Variants in DIP2A observed in about 807,000 individuals in gnomAD.
DIP2A encodes disco-interacting protein 2 homolog A.
In DIP2A, 85 loss-of-function variants were observed where a neutral mutation model predicts 177.4. That is an observed-to-expected ratio of 0.48 (90% CI 0.40 to 0.57). DIP2A has a LOEUF of 0.57. Among genes scored for constraint, DIP2A ranks in the 20% least tolerant of loss-of-function variants. The pLI is 0.00. For synonymous variants in DIP2A, 886 were observed against 881.8 expected, an observed-to-expected ratio of 1.00 and a Z score of -0.08; for missense variants, 1,791 against 2,100.2, an observed-to-expected ratio of 0.85 and a Z score of 2.88.
chr21:46,508,034 A>C (rs1465999000), intron 6 of DIP2A, among the ~76,000 whole-genome samples: 3 of 148,150 alleles, frequency 2.0e-5, no homozygotes, highest in Non-Finnish European at 4.5e-5. Context: ...CACTGTGCCC[A>C]GCCCCCCATT....
chr21:46,469,391 T>G (rs1332668057), intron 1 of DIP2A: 1 of 152,182 alleles, frequency 6.6e-6, no homozygotes, highest in African/African-American at 2.4e-5. Flanking sequence ...TGAATCAGAG[T>G]GTGGCCTTTG....
rs2057394259 is a variant in DIP2A, at chr21:46,496,997, C to G, written c.293C>G (p.Thr98Ser). 6.3e-7 allele frequency: 1 copy of G among 1,598,928 alleles called. No homozygotes were observed. The highest frequency in any genetic ancestry group is 8.5e-7 in the Non-Finnish European group (1 of 1,173,284). Residue 98 changes from threonine (T) to serine (S), a missense_variant, in exon 4 of 38, where the codon ACT becomes AGT. Coordinates refer to ENST00000417564, the MANE Select transcript of DIP2A (RefSeq NM_015151.4). ...TGTCCTTCCTGTGTAGATGTCCACA[C>G]TGAAGCCGTGCAAGCAGCTTTGGCC... is the stretch of plus-strand genomic sequence containing the variant. ...RDERFRSDVHTEAVQAALAKY... is the reference protein window; with the variant it reads ...RDERFRSDVHSEAVQAALAKY...
At chr21:46,515,831 C>T (rs1030195233) in intron 8 of DIP2A, among the ~76,000 whole-genome samples, 12 of 152,032 alleles carry the variant, frequency 7.9e-5, no homozygotes, top group African/African-American at 1.5e-4. Flanking sequence ...CTCCCATGCC[C>T]GGCCCATTGT....
intron 1 of DIP2A, among the ~76,000 whole-genome samples, chr21:46,469,891 T>C (rs2055194125): frequency 6.6e-6 from 1 of 152,188 alleles, no homozygotes; most frequent in African/African-American, 2.4e-5. Context: ...TGACTGCTTC[T>C]CTTATCATCA....
intron 25 of DIP2A, 79 bp from the exon 26 acceptor site, chr21:46,554,088 GCA>G: frequency 6.6e-7 from 1 of 1,512,666 alleles, no homozygotes; most frequent in Non-Finnish European, 8.9e-7. Context: ...GCAGTGGCGT[GCA>G]GGTGGTGTGC....
intron 8 of DIP2A, among the ~76,000 whole-genome samples, chr21:46,521,987 T>C (rs1434341912): frequency 5.3e-5 from 8 of 152,214 alleles, no homozygotes; most frequent in Admixed American, 5.2e-4. Flanking sequence ...TTTCCCATAG[T>C]CCCATAGTCT....
intron 32 of DIP2A, 130 bp from the exon 33 acceptor site, chr21:46,560,592 A>G: frequency 7.9e-7 from 1 of 1,260,780 alleles, no homozygotes; most frequent in South Asian, 1.5e-5. Flanking sequence ...GACTCACTGC[A>G]GGGAGCAGAG....
At chr21:46,572,593 C>A (rs1339975111), downstream of DIP2A, among the ~76,000 whole-genome samples, 1 of 152,176 alleles carries the variant, frequency 6.6e-6, no homozygotes, top group Non-Finnish European at 1.5e-5. Context: ...CCTGAGCTAG[C>A]ATGCTCAGCG....
At chr21:46,558,469 T>C (rs1449221736) in intron 32 of DIP2A, 76 bp downstream of exon 32, 51 of 1,454,124 alleles carry the variant, frequency 3.5e-5, no homozygotes, top group Non-Finnish European at 4.1e-5. Context: ...GTTGTTAATG[T>C]GCCGTTTTGT....
chr21:46,507,466 C>A (rs2058070837), intron 6 of DIP2A, among the ~76,000 whole-genome samples: 1 of 152,022 alleles, frequency 6.6e-6, no homozygotes, highest in Non-Finnish European at 1.5e-5. Context: ...ATAATAAAGA[C>A]CATTCTTTTC....
chr21:46,501,977 G>T (rs1335239376), intron 5 of DIP2A, among the ~76,000 whole-genome samples: 1 of 152,150 alleles, frequency 6.6e-6, no homozygotes, highest in Non-Finnish European at 1.5e-5. Context: ...CTGCTATGCA[G>T]ACAGTGAGTT....
At chr21:46,523,339 G>C (rs572170254) in intron 8 of DIP2A, among the ~76,000 whole-genome samples, 37 of 149,840 alleles carry the variant, frequency 2.5e-4, no homozygotes, top group Admixed American at 1.6e-3. Flanking sequence ...GGTTCAAGCA[G>C]TTCTCCTGCC....
intron 1 of DIP2A, among the ~76,000 whole-genome samples, chr21:46,484,394 C>T (rs1220941129): frequency 1.3e-5 from 2 of 152,206 alleles, no homozygotes; most frequent in Non-Finnish European, 2.9e-5. Context: ...TTTCACCACC[C>T]TCAAAATTCT....
At chr21:46,480,291 G>A (rs1183628366) in intron 1 of DIP2A, among the ~76,000 whole-genome samples, 1 of 152,086 alleles carries the variant, frequency 6.6e-6, no homozygotes, top group African/African-American at 2.4e-5. Flanking sequence ...CGTGTGCAGG[G>A]GAACTGTCCT....
rs1168153777 is a variant in DIP2A at position 46,464,817 on chromosome 21, C to CTTTTTTT, written c.91+5616_91+5622dup. Among the ~76,000 whole-genome samples the CTTTTTTT allele has an allele frequency of 9.9e-4, 73 of 73,430 alleles. 7 individuals are homozygous for CTTTTTTT. Among genetic ancestry groups the CTTTTTTT allele is most frequent in the Admixed American group, 1.7e-3 (9 of 5,276 alleles). 48.2% of individuals were successfully genotyped at this position (73,430 alleles called of 152,430 possible). A position where few individuals can be genotyped will look rare whatever the true frequency, so the allele number is the denominator to read the frequency against. On this transcript the variant is annotated intron_variant, in intron 1 of 37. Coordinates refer to ENST00000417564, the MANE Select transcript of DIP2A (RefSeq NM_015151.4). Reference sequence around the variant, plus strand: ...TCTTCCTTTTTCTTAATATTCATGTCTTTTTTTTTTTTTTTTTTTTTTTTT... The same window carrying CTTTTTTT: ...TCTTCCTTTTTCTTAATATTCATGTCTTTTTTTTTTTTTTTTTTTTTTTTTTTTTTTT...
chr21:46,495,123 A>ATC (rs1029506566), intron 3 of DIP2A, among the ~76,000 whole-genome samples: 1 of 150,602 alleles, frequency 6.6e-6, no homozygotes, highest in East Asian at 2.0e-4. Context: ...TCTGTACTTC[A>ATC]TCTCTCTCTC....
Position 46,537,328 on chromosome 21 carries a change from G to C in DIP2A, c.1707+40G>C. On this transcript the variant is annotated intron_variant, in intron 14 of 37. Coordinates refer to ENST00000417564, the MANE Select transcript of DIP2A (RefSeq NM_015151.4). The surrounding 1 kb of genome is among the most constrained non-coding windows in gnomAD (Gnocchi z 4.1). ...CTGATGACTAACTGTTGGAACAAGG[G>C]ATTGAGATGAACCCAAGCCTCTGCC... 3.1e-6 allele frequency: 5 copies of C among 1,612,788 alleles called. No homozygotes were observed. Among genetic ancestry groups the C allele is most frequent in the Non-Finnish European group, 4.2e-6 (5 of 1,178,778 alleles).
At chr21:46,464,191 C>T (rs1287908130) in intron 1 of DIP2A, among the ~76,000 whole-genome samples, 1 of 151,306 alleles carries the variant, frequency 6.6e-6, no homozygotes, top group African/African-American at 2.4e-5. Flanking sequence ...GTTAGGAGTT[C>T]CAGACCAGCC....
intron 17 of DIP2A, among the ~76,000 whole-genome samples, chr21:46,540,924 C>T (rs8132725): frequency 2.0e-5 from 3 of 150,110 alleles, no homozygotes; most frequent in South Asian, 4.2e-4. Context: ...CTGAGGCAGG[C>T]GAATCGCTTG....
Sources: allele counts gnomAD v4.1 joint callset (sites outside exome capture counted in the v4.1 genomes callset), GRCh38; gene constraint gnomAD v4.1.1; non-coding constraint Gnocchi (gnomAD v3.1); transcripts MANE v1.5; gene names NCBI Gene and HGNC (gene_info 2026-07-23, HGNC 2026-07-21).